Variants in UNC13B observed in about 807,000 individuals in gnomAD.
UNC13B encodes the protein protein unc-13 homolog B.
A neutral mutation model predicts 211.0 loss-of-function variants in UNC13B; 144 were observed. That is an observed-to-expected ratio of 0.68 (90% CI 0.60 to 0.78). The LOEUF (loss-of-function observed/expected upper bound fraction) is 0.78, where lower values mean the gene tolerates loss of function less well. Ranked by LOEUF, UNC13B falls within the 30% of genes least tolerant of loss-of-function variation. The pLI, the probability that UNC13B is intolerant of heterozygous loss-of-function variation, is 0.00. For synonymous variants in UNC13B, 709 were observed against 725.8 expected, an observed-to-expected ratio of 0.98 and a Z score of 0.37; for missense variants, 1,777 against 2,002.0, an observed-to-expected ratio of 0.89 and a Z score of 2.14.
At position 35,305,149 on chromosome 9, in the gene UNC13B, T is replaced by C; in HGVS notation, c.5745T>C (p.Phe1915=). 2.5e-6 allele frequency: 1 copy of C among 398,946 alleles called. No homozygotes were observed. 24.7% of individuals were successfully genotyped at this position (398,946 alleles called of 1,614,324 possible). ...QSSKESDKTL[F]KSSLKLFSQE... is the part of the protein sequence containing the mutation. ...CCAAAGAGTCTGATAAAACATTATTTAAAAGTTCATTGAAACTCTTCAGTC... is the reference window on the plus strand; with the variant it reads ...CCAAAGAGTCTGATAAAACATTATTCAAAAGTTCATTGAAACTCTTCAGTC... Residue 1915 remains phenylalanine, a synonymous_variant, in exon 9 of 40, where the codon TTT becomes TTC. Coordinates refer to ENST00000635942, the MANE Select transcript of UNC13B (RefSeq NM_001371189.2).
At chr9:35,181,911 A>C (rs751587891) in intron 1 of UNC13B, among the ~76,000 whole-genome samples, 8 of 152,146 alleles carry the variant, frequency 5.3e-5, no homozygotes, top group South Asian at 2.1e-4. Context: ...AAAACCCTAA[A>C]TTCTGAGTCT....
intron 22 of UNC13B, chr9:35,385,222 C>G: frequency 2.0e-6 from 2 of 985,452 alleles, no homozygotes; most frequent in Non-Finnish European, 2.4e-6. Flanking sequence ...AAAAGCAGTT[C>G]TGCTCAGAGA....
intron 11 of UNC13B, among the ~76,000 whole-genome samples, chr9:35,333,964 G>GTT (rs963756940): frequency 1.5e-5 from 1 of 64,540 alleles, no homozygotes; most frequent in Non-Finnish European, 3.1e-5. Flanking sequence ...TTTTTTGTTT[G>GTT]TTTTTTTTTT....
intron 7 of UNC13B, among the ~76,000 whole-genome samples, chr9:35,271,138 C>CA (rs34349679): frequency 0.28 from 20,848 of 75,316 alleles, 2,163 homozygotes; most frequent in Non-Finnish European, 0.32. Flanking sequence ...GACTCCATTT[C>CA]AAAAAAAAAA....
At chr9:35,348,371 C>T (rs1472348630) in intron 11 of UNC13B, among the ~76,000 whole-genome samples, 1 of 152,234 alleles carries the variant, frequency 6.6e-6, no homozygotes, top group Non-Finnish European at 1.5e-5. Context: ...AGACGGCCGG[C>T]CTCCTGACAC....
At chr9:35,250,474 CT>C (rs1345548156) in intron 6 of UNC13B, among the ~76,000 whole-genome samples, 3 of 152,132 alleles carry the variant, frequency 2.0e-5, no homozygotes, top group Non-Finnish European at 2.9e-5. Flanking sequence ...AGGTTTCATT[CT>C]TGTTTTACCA....
intron 1 of UNC13B, among the ~76,000 whole-genome samples, chr9:35,219,639 A>G (rs1199171481): frequency 2.6e-5 from 4 of 151,846 alleles, no homozygotes; most frequent in Admixed American, 2.0e-4. Flanking sequence ...AAAAAAAGTA[A>G]AGACATTGTT....
At chr9:35,245,349 T>A (rs188197321) in intron 6 of UNC13B, among the ~76,000 whole-genome samples, 1,729 of 151,952 alleles carry the variant, frequency 0.011, 30 homozygotes, top group African/African-American at 0.038. Context: ...TTTTTTTTTT[T>A]AATTTTATTA....
chr9:35,194,967 CGGATT>C (rs1822856494), intron 1 of UNC13B, among the ~76,000 whole-genome samples: 1 of 152,096 alleles, frequency 6.6e-6, no homozygotes, highest in Non-Finnish European at 1.5e-5. Flanking sequence ...GCGGATGTGC[CGGATT>C]TTATAGTCTT....
At chr9:35,352,138 T>G (rs1437777954) in intron 11 of UNC13B, 1 of 1,232,182 alleles carries the variant, frequency 8.1e-7, no homozygotes, top group East Asian at 3.2e-5. Flanking sequence ...TGTGTGAGGG[T>G]GAAAAGGCCC....
chr9:35,366,799 A>G, intron 11 of UNC13B, 148 bp from the exon 12 acceptor site: 1 of 667,130 alleles, frequency 1.5e-6, no homozygotes, highest in South Asian at 1.8e-5. Flanking sequence ...ACTGATCAGG[A>G]CATTGGTTTA....
chr9:35,254,992 AT>A (rs1826762010), intron 6 of UNC13B, among the ~76,000 whole-genome samples: 2 of 116,060 alleles, frequency 1.7e-5, no homozygotes, highest in African/African-American at 7.3e-5. Context: ...ATATGTATAT[AT>A]TATATTATAT....
intron 1 of UNC13B, among the ~76,000 whole-genome samples, chr9:35,186,342 A>G (rs907272027): frequency 6.6e-6 from 1 of 152,066 alleles, no homozygotes; most frequent in Admixed American, 6.5e-5. Flanking sequence ...GCTGAATTCA[A>G]CTCTTCAGGC....
At chr9:35,366,459 G>A (rs1357217551) in intron 11 of UNC13B, among the ~76,000 whole-genome samples, 2 of 152,104 alleles carry the variant, frequency 1.3e-5, no homozygotes, top group African/African-American at 4.8e-5. Context: ...GAGGTTCAAG[G>A]CACCCAAACT....
intron 7 of UNC13B, among the ~76,000 whole-genome samples, chr9:35,282,522 C>A (rs1028355867): frequency 1.3e-5 from 2 of 152,140 alleles, no homozygotes; most frequent in Non-Finnish European, 2.9e-5. Flanking sequence ...ACCTCTGCCT[C>A]CTGGGATCAA....
chr9:35,321,100 T>C (rs1487874011), intron 11 of UNC13B, among the ~76,000 whole-genome samples: 2 of 152,056 alleles, frequency 1.3e-5, no homozygotes, highest in Non-Finnish European at 2.9e-5. Flanking sequence ...ACATTTTTTT[T>C]CTCACTTTGT....
chr9:35,333,245 T>A (rs1367892419), intron 11 of UNC13B, among the ~76,000 whole-genome samples: 3 of 152,094 alleles, frequency 2.0e-5, no homozygotes, highest in African/African-American at 7.2e-5. Context: ...TCTTTGCAGA[T>A]GAGTGAGTGA....
At chr9:35,180,745 G>A (rs1821890475) in intron 1 of UNC13B, among the ~76,000 whole-genome samples, 1 of 151,908 alleles carries the variant, frequency 6.6e-6, no homozygotes, top group Admixed American at 6.6e-5. Flanking sequence ...TTTTGTTTTT[G>A]CTTTTGTTCA....
At chr9:35,264,641 G>T (rs1827466730) in intron 7 of UNC13B, among the ~76,000 whole-genome samples, 1 of 152,180 alleles carries the variant, frequency 6.6e-6, no homozygotes, top group Non-Finnish European at 1.5e-5. Context: ...TACCCTCAAA[G>T]GTGACAGAGG....
Sources: gnomAD v4.1 joint callset for allele counts (sites outside exome capture counted in the v4.1 genomes callset) on GRCh38, gnomAD v4.1.1 for gene constraint, MANE v1.5 for transcripts, NCBI Gene and HGNC (gene_info 2026-07-23, HGNC 2026-07-21) for gene names.